Variants in ADGB observed in about 807,000 individuals in gnomAD.
ADGB encodes androglobin.
In ADGB, 172 loss-of-function variants were observed where a neutral mutation model predicts 210.5. That is an observed-to-expected ratio of 0.82 (90% CI 0.72 to 0.93). ADGB has a LOEUF of 0.93. ADGB is among the 40% of genes least tolerant of loss of function. The pLI is 0.00. For synonymous variants in ADGB, 658 were observed against 662.7 expected, an observed-to-expected ratio of 0.99 and a Z score of 0.11; for missense variants, 2,025 against 1,964.8, an observed-to-expected ratio of 1.03 and a Z score of -0.58.
chr6:146,662,956 CATATAA>C (rs199761051), intron 5 of ADGB, among the ~76,000 whole-genome samples: 2,738 of 145,656 alleles, frequency 0.019, 87 homozygotes, highest in African/African-American at 0.064. Context: ...ATATATTACA[CATATAA>C]ATATATATGT....
intron 17 of ADGB, 80 bp from the exon 18 acceptor site, chr6:146,724,106 T>G: frequency 8.8e-7 from 1 of 1,141,248 alleles, no homozygotes; most frequent in South Asian, 1.8e-5. Context: ...ATGTTGTTAC[T>G]TAATAAAAAA....
chr6:146,742,897 T>C (rs1007279405), intron 25 of ADGB, among the ~76,000 whole-genome samples: 2 of 152,154 alleles, frequency 1.3e-5, no homozygotes, highest in African/African-American at 4.8e-5. Context: ...CTTTTTTTTT[T>C]AAGCTTCTGA....
rs1245349530 is a variant in ADGB at position 146,740,596 on chromosome 6, G to A, written c.3023+3G>A. Reference sequence around the variant, plus strand: ...AATTCTTGGTTTATAGTATTCAGGTGAGGTTGTTATATAGTGACAAATATG... The same window carrying A: ...AATTCTTGGTTTATAGTATTCAGGTAAGGTTGTTATATAGTGACAAATATG... On this transcript the variant is annotated splice_donor_region_variant and intron_variant, in intron 24 of 35. Transcript: ENST00000397944. The A allele has an allele frequency of 6.5e-7, 1 of 1,549,876 alleles. No homozygotes were observed. The highest frequency in any genetic ancestry group is 8.7e-7 in the Non-Finnish European group (1 of 1,146,294).
intron 29 of ADGB, among the ~76,000 whole-genome samples, chr6:146,774,349 G>T (rs1777693520): frequency 6.6e-6 from 1 of 152,024 alleles, no homozygotes; most frequent in Non-Finnish European, 1.5e-5. Flanking sequence ...TCAACAAAAT[G>T]GTATTATCAT....
Position 146,785,393 on chromosome 6 carries a change from T to G in ADGB, c.4213-217T>G, listed in dbSNP as rs555927261. Among the ~76,000 whole-genome samples the G allele has an allele frequency of 4.6e-5, 7 of 152,294 alleles. No homozygotes were observed. In the South Asian group the frequency reaches 1.5e-3, roughly 32 times the overall value. ...GAAATGTATTCTTTTTAGGGCTGCTTCTTCATCTATTCTCAAAAATAACTG... is the reference window on the plus strand; with the variant it reads ...GAAATGTATTCTTTTTAGGGCTGCTGCTTCATCTATTCTCAAAAATAACTG... On this transcript the variant is annotated intron_variant, in intron 31 of 35. Coordinates refer to ENST00000397944, the MANE Select transcript of ADGB (RefSeq NM_024694.4).
intron 35 of ADGB, chr6:146,803,293 T>C (rs906388749): frequency 6.8e-6 from 11 of 1,606,448 alleles, no homozygotes; most frequent in South Asian, 1.1e-5. Context: ...CCACTATATT[T>C]TGATGATGGG....
chr6:146,654,444 C>T (rs1041468276), intron 4 of ADGB, among the ~76,000 whole-genome samples: 1 of 69,730 alleles, frequency 1.4e-5, no homozygotes, highest in Non-Finnish European at 3.1e-5. Context: ...TCTCAACCTC[C>T]CGGGCTAAAA....
intron 1 of ADGB, among the ~76,000 whole-genome samples, chr6:146,629,162 C>T (rs1311339658): frequency 6.6e-6 from 1 of 152,016 alleles, no homozygotes; most frequent in Non-Finnish European, 1.5e-5. Context: ...TCATCTTATT[C>T]TCAGAATTAA....
chr6:146,771,459 A>G (rs1344170889), intron 29 of ADGB, among the ~76,000 whole-genome samples: 1 of 152,008 alleles, frequency 6.6e-6, no homozygotes, highest in African/African-American at 2.4e-5. Flanking sequence ...TTTTCCCGTC[A>G]GGTTGCCACT....
intron 9 of ADGB, among the ~76,000 whole-genome samples, chr6:146,678,684 C>T (rs4412223): frequency 0.78 from 118,550 of 152,174 alleles, 47,160 homozygotes; most frequent in African/African-American, 0.94. Context: ...CAGTTTTAAA[C>T]GCCAAGGAGA....
chr6:146,660,691 C>T (rs1322258348), intron 5 of ADGB, among the ~76,000 whole-genome samples: 1 of 152,086 alleles, frequency 6.6e-6, no homozygotes, highest in African/African-American at 2.4e-5. Context: ...ACAAACAATG[C>T]TGTAAAATTT....
intron 35 of ADGB, among the ~76,000 whole-genome samples, chr6:146,809,424 T>G (rs1778267579): frequency 6.6e-6 from 1 of 152,162 alleles, no homozygotes; most frequent in Non-Finnish European, 1.5e-5. Flanking sequence ...CAGGCTGGTC[T>G]TGAACTCTTG....
At chr6:146,668,447 G>A (rs1458540846) in intron 7 of ADGB, among the ~76,000 whole-genome samples, 1 of 152,086 alleles carries the variant, frequency 6.6e-6, no homozygotes, top group East Asian at 1.9e-4. Context: ...GAAAAAACTG[G>A]AGGGTAGGAG....
In ADGB at chr6:146,692,894, C is replaced by T. The variant is rs749603157; in HGVS notation, c.1556C>T (p.Pro519Leu). 17 of 1,526,776 alleles carry T rather than the reference C, an allele frequency of 1.1e-5. No homozygotes were observed. Among genetic ancestry groups the T allele is most frequent in the Non-Finnish European group, 1.3e-5 (15 of 1,128,116 alleles). The allele number at this position is 1,526,776 out of a possible 1,614,324, so 94.6% of individuals were successfully genotyped here. ...CCATTTTTGAATTATAGAATGACTC[C>T]ATTTACAATTCCAACAGAAATGTAA... ...SSPFLNYRMT[P>L]FTIPTEMHFV... Residue 519 changes from proline to leucine, a missense_variant, in exon 12 of 36, where the codon CCA becomes CTA. Coordinates refer to ENST00000397944, the MANE Select transcript of ADGB (RefSeq NM_024694.4).
intron 35 of ADGB, among the ~76,000 whole-genome samples, chr6:146,807,998 T>TG (rs1165683558): frequency 7.8e-4 from 114 of 145,472 alleles, no homozygotes; most frequent in Non-Finnish European, 1.5e-3. Flanking sequence ...TTCAGTTTTT[T>TG]TTTTTTTTTT....
intron 35 of ADGB, among the ~76,000 whole-genome samples, chr6:146,808,118 G>C (rs1171603408): frequency 6.7e-6 from 1 of 148,444 alleles, no homozygotes; most frequent in Non-Finnish European, 1.5e-5. Flanking sequence ...TCCTGCCTCA[G>C]CTTGCTGAGT....
At chr6:146,699,294 C>T (rs777335915) in intron 12 of ADGB, among the ~76,000 whole-genome samples, 1 of 152,066 alleles carries the variant, frequency 6.6e-6, no homozygotes, top group Non-Finnish European at 1.5e-5. Flanking sequence ...GGCCTCAGAA[C>T]CCAGGAAGCT....
chr6:146,706,734 G>A (rs1329681456), intron 13 of ADGB, among the ~76,000 whole-genome samples: 1 of 150,702 alleles, frequency 6.6e-6, no homozygotes, highest in Non-Finnish European at 1.5e-5. Context: ...AGTATCATTT[G>A]TAATGCTTCC....
intron 27 of ADGB, among the ~76,000 whole-genome samples, chr6:146,759,621 T>C (rs1446540494): frequency 6.6e-6 from 1 of 151,766 alleles, no homozygotes; most frequent in East Asian, 1.9e-4. Context: ...ATAACCTGTG[T>C]ATCTAATTTT....
Sources: allele counts gnomAD v4.1 joint callset (sites outside exome capture counted in the v4.1 genomes callset), GRCh38; gene constraint gnomAD v4.1.1; transcripts MANE v1.5; gene names NCBI Gene and HGNC (gene_info 2026-07-23, HGNC 2026-07-21).